Variants in ANKRD53 observed in about 807,000 individuals in gnomAD.
ANKRD53 encodes ankyrin repeat domain 53, also known as ankyrin repeat domain-containing protein 53.
A neutral mutation model predicts 30.1 loss-of-function variants in ANKRD53; 27 were observed. The observed-to-expected ratio is 0.90, with a 90% CI of 0.66 to 1.24. ANKRD53 has a LOEUF of 1.24. ANKRD53 is among the 50% of genes most tolerant of loss of function. ANKRD53 has a pLI of 0.00. For missense variants in ANKRD53, 682 were observed against 721.0 expected (o/e 0.95, Z 0.62); for synonymous variants, 286 against 295.4 (o/e 0.97, Z 0.33).
At position 70,982,526 on chromosome 2, in the gene ANKRD53, T is replaced by A. The variant is rs781908887; in HGVS notation, c.783-51T>A. 4 of 1,604,578 alleles carry A rather than the reference T, an allele frequency of 2.5e-6. No individual in the cohort carries two copies. The highest frequency in any genetic ancestry group is 3.4e-5 in the Admixed American group (2 of 59,594). The stretch of plus-strand genomic sequence containing the variant: ...CAGCAGCCAGTCTTCCCAGCCCAGG[T>A]GGAAGCTCTGTCACTGTGGGATGAC... On this transcript the variant is annotated intron_variant, in intron 4 of 5. Coordinates refer to ENST00000360589, the MANE Select transcript of ANKRD53 (RefSeq NM_001115116.2). This position sits in a 1 kb window ranked among gnomAD's most constrained non-coding sequence, Gnocchi z 4.2.
At chr2:70,980,587 G>A (rs10183211) in intron 3 of ANKRD53, among the ~76,000 whole-genome samples, 50,481 of 151,054 alleles carry the variant, frequency 0.33, 9,477 homozygotes, top group African/African-American at 0.51. Context: ...GGTTGCGGTG[G>A]GCCGAGATTG....
chr2:70,980,011 G>A (rs1553423292), intron 3 of ANKRD53, 151 bp downstream of exon 3: 2 of 913,054 alleles, frequency 2.2e-6, no homozygotes, highest in Non-Finnish European at 1.6e-6. Context: ...AATCCACATG[G>A]TGTAATAAAG....
intron 3 of ANKRD53, among the ~76,000 whole-genome samples, chr2:70,980,571 G>A (rs560906120): frequency 2.7e-4 from 41 of 152,248 alleles, no homozygotes; most frequent in African/African-American, 9.4e-4. Flanking sequence ...GAACCCGGGA[G>A]GTGGAGGTTG....
chr2:70,982,744 T>G lies in ANKRD53; in HGVS notation c.903+47T>G, dbSNP rs1226705093. ...CCAGGGGACAGCTGCTATCCAGGCA[T>G]GTGAGCAGAGGGGGCAGTGACCCAC... On this transcript the variant is annotated intron_variant, in intron 5 of 5. Coordinates refer to ENST00000360589, the MANE Select transcript of ANKRD53 (RefSeq NM_001115116.2). The surrounding 1 kb of genome is among the most constrained non-coding windows in gnomAD (Gnocchi z 4.2). 2 of 1,604,304 alleles carry G rather than the reference T, an allele frequency of 1.2e-6. No homozygotes were observed. The highest frequency in any genetic ancestry group is 1.7e-6 in the Non-Finnish European group (2 of 1,174,438).
In ANKRD53 at chr2:70,984,883, C is replaced by T. The variant is rs1245659019; in HGVS notation, c.1176C>T (p.Pro392=). 3 of 1,551,112 alleles carry T rather than the reference C, an allele frequency of 1.9e-6. No homozygotes were observed. Among genetic ancestry groups the T allele is most frequent in the South Asian group, 1.2e-5 (1 of 84,068 alleles). ...RPTMWNVSNN[P]ARPPTTQISH... ...CAATGTGGAATGTTAGCAACAACCCCGCCAGACCCCCCACCACCCAGATCA... is the reference window on the plus strand; with the variant it reads ...CAATGTGGAATGTTAGCAACAACCCTGCCAGACCCCCCACCACCCAGATCA... The change falls in exon 6 of 6, where the codon CCC becomes CCT. Residue 392 remains proline (P), a synonymous_variant. Transcript: ENST00000360589.
intron 3 of ANKRD53, among the ~76,000 whole-genome samples, chr2:70,980,671 C>G (rs1393577948): frequency 6.6e-6 from 1 of 151,982 alleles, no homozygotes; most frequent in African/African-American, 2.4e-5. Flanking sequence ...TTAGGCTGGC[C>G]GCAGTGGCTC....
Position 70,978,841 on chromosome 2 carries a change from G to A in ANKRD53, c.170+26G>A, listed in dbSNP as rs781909446. On this transcript the variant is annotated intron_variant, in intron 1 of 5. Coordinates refer to ENST00000360589, the MANE Select transcript of ANKRD53 (RefSeq NM_001115116.2). The surrounding 1 kb of genome is among the most constrained non-coding windows in gnomAD (Gnocchi z 4.3). Reference sequence around the variant, plus strand: ...GTGGGTAGCGGGAGAAGGTGTCCCGGCTGCAGGGAGCGAGAACCCGGCCCA... The same window carrying A: ...GTGGGTAGCGGGAGAAGGTGTCCCGACTGCAGGGAGCGAGAACCCGGCCCA... 6.5e-7 allele frequency: 1 copy of A among 1,547,300 alleles called. No homozygotes were observed. The highest frequency in any genetic ancestry group is 8.7e-7 in the Non-Finnish European group (1 of 1,146,152).
In ANKRD53 at chr2:70,984,784, A is replaced by T. The variant is rs1553424396; in HGVS notation, c.1077A>T (p.Ala359=). 6.4e-7 allele frequency: 1 copy of T among 1,561,466 alleles called. No individual in the cohort carries two copies. Among genetic ancestry groups the T allele is most frequent in the Admixed American group, 1.9e-5 (1 of 51,506 alleles). The change falls in exon 6 of 6, where the codon GCA becomes GCT. Residue 359 remains alanine, a synonymous_variant. Coordinates refer to ENST00000360589, the MANE Select transcript of ANKRD53 (RefSeq NM_001115116.2). ...RSRSFHPSVD[A]RLQCIPQPTE... ...GGAGCTTCCACCCCTCTGTGGATGC[A>T]CGCCTGCAATGCATTCCACAGCCCA... is the stretch of plus-strand genomic sequence containing the variant.
chr2:70,984,984 T>C lies in ANKRD53; in HGVS notation c.1277T>C (p.Val426Ala). 1 of 1,549,526 alleles carries C rather than the reference T, an allele frequency of 6.5e-7. No homozygotes were observed. Among genetic ancestry groups the C allele is most frequent in the East Asian group, 2.4e-5 (1 of 40,878 alleles). ...CACGACTTCAGCAGCTTCCTGGAGG[T>C]GAGGCCTGATGGGCACGGCGGTGCG... is the stretch of plus-strand genomic sequence containing the variant. ...PEHDFSSFLEVRPDGHGGARL... is the reference protein window; with the variant it reads ...PEHDFSSFLEARPDGHGGARL... Residue 426 changes from valine to alanine, a missense_variant, in exon 6 of 6, where the codon GTG becomes GCG. Val to Ala is a moderately conservative substitution (Grantham distance 64). Transcript: ENST00000360589.
rs782323284 is a variant in ANKRD53 at position 70,984,754 on chromosome 2, T to G, written c.1047T>G (p.Arg349=). 1.3e-6 allele frequency: 2 copies of G among 1,580,754 alleles called. No homozygotes were observed. The highest frequency in any genetic ancestry group is 1.7e-6 in the Non-Finnish European group (2 of 1,162,556). ...CCCCAGAGCAACGGGAATCGCAGCG[T>G]TCCAGGAGCTTCCACCCCTCTGTGG... ...SKTPEQRESQ[R]SRSFHPSVDA... The change falls in exon 6 of 6, where the codon CGT becomes CGG. Residue 349 remains arginine (R), a synonymous_variant. Coordinates refer to ENST00000360589, the MANE Select transcript of ANKRD53 (RefSeq NM_001115116.2).
In ANKRD53 at chr2:70,978,983, C is replaced by G. The variant is rs1454215813; in HGVS notation, c.171-114C>G. 2.2e-5 allele frequency: 32 copies of G among 1,453,108 alleles called. 1 individual carries two copies. The highest frequency in any genetic ancestry group is 2.8e-5 in the Non-Finnish European group (31 of 1,105,946). The allele number at this position is 1,453,108 out of a possible 1,614,324, so 90.0% of individuals were successfully genotyped here. A position where few individuals can be genotyped will look rare whatever the true frequency, so the allele number is the denominator to read the frequency against. On this transcript the variant is annotated intron_variant, in intron 1 of 5. Coordinates refer to ENST00000360589, the MANE Select transcript of ANKRD53 (RefSeq NM_001115116.2). The surrounding 1 kb of genome is among the most constrained non-coding windows in gnomAD (Gnocchi z 4.3). Reference sequence around the variant, plus strand: ...TCCCGAGAGGTGCCTAGGCCGTGGCCCAGAGTCGCTTCCCCACTGCCCCGC... The same window carrying G: ...TCCCGAGAGGTGCCTAGGCCGTGGCGCAGAGTCGCTTCCCCACTGCCCCGC...
rs373055320 is a variant in ANKRD53 at position 70,979,684 on chromosome 2, C to G, written c.441C>G (p.Ala147=). 1 of 1,613,918 alleles carries G rather than the reference C, an allele frequency of 6.2e-7. No homozygotes were observed. The highest frequency in any genetic ancestry group is 1.1e-5 in the South Asian group (1 of 91,030). The change falls in exon 3 of 6, where the codon GCC becomes GCG. Residue 147 remains alanine, a synonymous_variant. Transcript: ENST00000360589. The part of the protein sequence containing the change: ...DDKGFTAIHF[A]AQWGKLACLQ... ...AGGGCTTCACTGCCATCCACTTCGC[C>G]GCCCAATGGGGCAAGCTTGCATGCC...
chr2:70,979,213 C>CCGACCAGACGGCAAT lies in ANKRD53; in HGVS notation c.300_314dup (p.Asp102_Ile106dup), dbSNP rs782536984. 1.2e-6 allele frequency: 2 copies of CCGACCAGACGGCAAT among 1,613,368 alleles called. No homozygotes were observed. Among genetic ancestry groups the CCGACCAGACGGCAAT allele is most frequent in the Non-Finnish European group, 1.7e-6 (2 of 1,179,998 alleles). ...GCTGACCCCAGCCCCAGCAAGGAGT[C>CCGACCAGACGGCAAT]CGACCAGACGGCAATCGACCAGACG... On this transcript the variant is annotated inframe_insertion, in exon 2 of 6. Transcript: ENST00000360589.
In ANKRD53 at chr2:70,985,242, C is replaced by CAGCT; in HGVS notation, c.1536_1539dup (p.Val514SerfsTer35). On this transcript the variant is annotated frameshift_variant, in exon 6 of 6. Coordinates refer to ENST00000360589, the MANE Select transcript of ANKRD53 (RefSeq NM_001115116.2). LOFTEE classifies it low-confidence loss of function (END_TRUNC). ...GACACATTCGATGAAGCCTTCCTGGCAGCTGTGCGATCTCATCAAGGACTC... is the reference window on the plus strand; with the variant it reads ...GACACATTCGATGAAGCCTTCCTGGCAGCTAGCTGTGCGATCTCATCAAGGACTC... 6.4e-7 allele frequency: 1 copy of CAGCT among 1,551,160 alleles called. No homozygotes were observed. Among genetic ancestry groups the CAGCT allele is most frequent in the Non-Finnish European group, 8.7e-7 (1 of 1,147,028 alleles).
In ANKRD53 at chr2:70,979,244, C is replaced by A; in HGVS notation, c.318C>A (p.Ile106=). 3 of 1,613,566 alleles carry A rather than the reference C, an allele frequency of 1.9e-6. No individual in the cohort carries two copies. The highest frequency in any genetic ancestry group is 2.5e-6 in the Non-Finnish European group (3 of 1,180,016). ...AGACGGCAATCGACCAGACGGCGAT[C>A]GGGAGCTACTACCAGCTGTTCGCAG... The part of the protein sequence containing the change: ...SDQTAIDQTA[I]GSYYQLFAAA... Residue 106 remains isoleucine, a synonymous_variant, in exon 2 of 6, where the codon ATC becomes ATA. Coordinates refer to ENST00000360589, the MANE Select transcript of ANKRD53 (RefSeq NM_001115116.2).
At chr2:70,981,360 G>T (rs957258034) in intron 3 of ANKRD53, among the ~76,000 whole-genome samples, 1 of 152,036 alleles carries the variant, frequency 6.6e-6, no homozygotes, top group East Asian at 1.9e-4. Flanking sequence ...AATAAACGGG[G>T]TGATGGTGTA....
rs1045219287 is a variant in ANKRD53, at chr2:70,982,810, G to C, written c.903+113G>C. Reference sequence around the variant, plus strand: ...GGCTAGAAGCACTCCCACCCTGAAAGAGCCACCCTTTCGCCTGTACTCCCA... The same window carrying C: ...GGCTAGAAGCACTCCCACCCTGAAACAGCCACCCTTTCGCCTGTACTCCCA... On this transcript the variant is annotated intron_variant, in intron 5 of 5. Coordinates refer to ENST00000360589, the MANE Select transcript of ANKRD53 (RefSeq NM_001115116.2). The surrounding 1 kb of genome is among the most constrained non-coding windows in gnomAD (Gnocchi z 4.2). The C allele has an allele frequency of 4.2e-6, 6 of 1,426,104 alleles. No homozygotes were observed. Among genetic ancestry groups the C allele is most frequent in the Non-Finnish European group, 5.6e-6 (6 of 1,065,456 alleles). 88.3% of individuals were successfully genotyped at this position (1,426,104 alleles called of 1,614,324 possible).
chr2:70,984,806 C>T lies in ANKRD53; in HGVS notation c.1099C>T (p.Pro367Ser). Residue 367 changes from proline (P) to serine (S), a missense_variant, in exon 6 of 6, where the codon CCC becomes TCC. Coordinates refer to ENST00000360589, the MANE Select transcript of ANKRD53 (RefSeq NM_001115116.2). ...TGCACGCCTGCAATGCATTCCACAG[C>T]CCACGGAGATGCCCAAGCCCATCTA... ...VDARLQCIPQ[P>S]TEMPKPIYRK... 6.4e-7 allele frequency: 1 copy of T among 1,554,312 alleles called. No individual in the cohort carries two copies. Among genetic ancestry groups the T allele is most frequent in the Non-Finnish European group, 8.7e-7 (1 of 1,148,200 alleles).
rs782161140 is a variant in ANKRD53 at position 70,979,772 on chromosome 2, C to G, written c.529C>G (p.Pro177Ala). The change falls in exon 3 of 6, where the codon CCC becomes GCC. Residue 177 changes from proline to alanine, a missense_variant. Pro to Ala is a conservative substitution (Grantham distance 27, BLOSUM62 -1). Transcript: ENST00000360589. ...VDLLTNNSQT[P>A]LHLVIHRDNT... is the part of the protein sequence containing the mutation. ...CCTGCTGACCAACAATAGCCAGACA[C>G]CCCTGCACCTCGTCATCCACAGGGA... The G allele has an allele frequency of 1.2e-6, 2 of 1,614,244 alleles. No individual in the cohort carries two copies. The highest frequency in any genetic ancestry group is 4.5e-5 in the East Asian group (2 of 44,888).
Sources: allele counts gnomAD v4.1 joint callset (sites outside exome capture counted in the v4.1 genomes callset), GRCh38; gene constraint gnomAD v4.1.1; non-coding constraint Gnocchi (gnomAD v3.1); transcripts MANE v1.5; gene names NCBI Gene and HGNC (gene_info 2026-07-23, HGNC 2026-07-21).